CTNNA3: variants seen among roughly 807,000 people sequenced by gnomAD.
CTNNA3 encodes catenin alpha-3.
In CTNNA3, 76 loss-of-function variants were observed where a neutral mutation model predicts 95.7. The ratio of observed to expected loss-of-function variants is 0.79; its 90% CI spans 0.66 to 0.96. The LOEUF (loss-of-function observed/expected upper bound fraction) is 0.96, where lower values mean the gene tolerates loss of function less well. Ranked by LOEUF, CTNNA3 falls within the 40% of genes least tolerant of loss-of-function variation. CTNNA3 has a pLI of 0.00. For missense variants in CTNNA3, 1,191 were observed against 1,089.8 expected (o/e 1.09, Z -1.31); for synonymous variants, 431 against 374.4 (o/e 1.15, Z -1.74).
chr10:67,310,708 G>A (rs1169375918), intron 5 of CTNNA3, among the ~76,000 whole-genome samples: 1 of 152,162 alleles, frequency 6.6e-6, no homozygotes, highest in African/African-American at 2.4e-5. Context: ...AAGCAAAGCA[G>A]GGGAAAAGCC....
chr10:66,037,588 T>C (rs2079592914), intron 15 of CTNNA3, among the ~76,000 whole-genome samples: 1 of 152,238 alleles, frequency 6.6e-6, no homozygotes, highest in Non-Finnish European at 1.5e-5. Context: ...ATTAAACTTA[T>C]TTAAAGACTT....
intron 14 of CTNNA3, among the ~76,000 whole-genome samples, chr10:66,083,578 A>G (rs111826046): frequency 3.9e-5 from 6 of 152,318 alleles, no homozygotes; most frequent in African/African-American, 1.2e-4. Flanking sequence ...TAGACAAGAT[A>G]TTAAAGATTT....
intron 17 of CTNNA3, among the ~76,000 whole-genome samples, chr10:65,922,589 A>G (rs1267132972): frequency 6.6e-6 from 1 of 152,208 alleles, no homozygotes; most frequent in Non-Finnish European, 1.5e-5. Context: ...AGTACATAAC[A>G]TTTATCTTTA....
intron 10 of CTNNA3, among the ~76,000 whole-genome samples, chr10:66,617,750 A>T (rs1844576805): frequency 1.3e-5 from 2 of 152,074 alleles, no homozygotes; most frequent in Admixed American, 1.3e-4. Flanking sequence ...GTATTCAGTT[A>T]GGAAAAGAGG....
chr10:66,943,193 G>A (rs935741272), intron 7 of CTNNA3, among the ~76,000 whole-genome samples: 1 of 152,192 alleles, frequency 6.6e-6, no homozygotes, highest in African/African-American at 2.4e-5. Context: ...GAAAAGAGCA[G>A]AGACGAGAAA....
intron 9 of CTNNA3, among the ~76,000 whole-genome samples, chr10:66,692,726 C>G (rs572329951): frequency 2.0e-5 from 3 of 152,070 alleles, no homozygotes; most frequent in Admixed American, 2.0e-4. Flanking sequence ...GGTCGGGTTA[C>G]CCACAAAGAG....
chr10:66,419,659 C>T lies in CTNNA3; in HGVS notation c.1532-40307G>A, dbSNP rs1468976488. Among the ~76,000 whole-genome samples the T allele has an allele frequency of 1.1e-4, 16 of 152,060 alleles. 1 individual carries two copies. The South Asian group carries it at 2.1e-3, about 20-fold the overall frequency. ...AAATTATATTACAGGGCTATAATAA[C>T]CAAAACACTTGGCATTGGCATAAAA... On this transcript the variant is annotated intron_variant, in intron 11 of 17. Coordinates refer to ENST00000433211, the MANE Select transcript of CTNNA3 (RefSeq NM_013266.4).
At chr10:65,979,816 C>T (rs181501380) in intron 16 of CTNNA3, among the ~76,000 whole-genome samples, 22 of 152,040 alleles carry the variant, frequency 1.4e-4, no homozygotes, top group Admixed American at 1.0e-3. Flanking sequence ...ACTTGAAAGA[C>T]GCAAATAGAT....
intron 11 of CTNNA3, among the ~76,000 whole-genome samples, chr10:66,404,807 T>G (rs762990357): frequency 5.9e-5 from 9 of 151,416 alleles, no homozygotes; most frequent in Non-Finnish European, 8.8e-5. Flanking sequence ...TAGTCTATCA[T>G]TAGTATTAGT....
At chr10:67,098,047 T>A (rs1444803492) in intron 7 of CTNNA3, 2 of 469,252 alleles carry the variant, frequency 4.3e-6, no homozygotes, top group Non-Finnish European at 7.7e-6. Context: ...AATAAAAGAA[T>A]CTTTTTTTTT....
intron 5 of CTNNA3, among the ~76,000 whole-genome samples, chr10:67,370,804 TGAAAA>T (rs924975084): frequency 3.9e-5 from 6 of 152,038 alleles, no homozygotes; most frequent in African/African-American, 1.4e-4. Flanking sequence ...AAAAAACAGA[TGAAAA>T]GAAACTTGTT....
chr10:67,258,025 G>A (rs1288716080), intron 5 of CTNNA3, among the ~76,000 whole-genome samples: 1 of 152,106 alleles, frequency 6.6e-6, no homozygotes, highest in African/African-American at 2.4e-5. Context: ...CAGACAATCT[G>A]CCAGTCACCT....
At chr10:67,615,499 A>C (rs1268647430) in intron 2 of CTNNA3, among the ~76,000 whole-genome samples, 1 of 152,180 alleles carries the variant, frequency 6.6e-6, no homozygotes, top group African/African-American at 2.4e-5. Context: ...TACCATCCAA[A>C]AACAAACGAG....
At chr10:66,426,273 C>T (rs1258593191) in intron 11 of CTNNA3, among the ~76,000 whole-genome samples, 1 of 151,874 alleles carries the variant, frequency 6.6e-6, no homozygotes, top group Admixed American at 6.6e-5. Flanking sequence ...ATAGGGTACT[C>T]AGTTATTGTT....
intron 1 of CTNNA3, among the ~76,000 whole-genome samples, chr10:67,679,437 G>T (rs1840587516): frequency 6.6e-6 from 1 of 152,116 alleles, no homozygotes. Context: ...GCTGGCATTT[G>T]GCATACTAAT....
intron 9 of CTNNA3, among the ~76,000 whole-genome samples, chr10:66,680,285 C>T (rs908899569): frequency 7.9e-5 from 12 of 152,222 alleles, no homozygotes; most frequent in African/African-American, 2.6e-4. Context: ...CTGCCTCAGC[C>T]TCCCAAGGTG....
chr10:67,298,928 AT>A (rs111379857), intron 5 of CTNNA3, among the ~76,000 whole-genome samples: 7,811 of 146,036 alleles, frequency 0.053, 573 homozygotes, highest in African/African-American at 0.17. Context: ...CATATGTTGC[AT>A]TTTTTTTTTT....
At chr10:67,204,190 G>A (rs1233800247) in intron 6 of CTNNA3, among the ~76,000 whole-genome samples, 3 of 152,004 alleles carry the variant, frequency 2.0e-5, no homozygotes, top group African/African-American at 7.3e-5. Flanking sequence ...GTTTGGATAC[G>A]CACGTCCCCA....
At chr10:67,220,112 T>A (rs990088132) in intron 5 of CTNNA3, among the ~76,000 whole-genome samples, 12 of 152,192 alleles carry the variant, frequency 7.9e-5, no homozygotes, top group Admixed American at 7.8e-4. Context: ...TGTGTAAAGA[T>A]CCATTACTAT....
Sources: gnomAD v4.1 joint callset for allele counts (sites outside exome capture counted in the v4.1 genomes callset) on GRCh38, gnomAD v4.1.1 for gene constraint, MANE v1.5 for transcripts, NCBI Gene and HGNC (gene_info 2026-07-23, HGNC 2026-07-21) for gene names.